Variants in IQCH observed in about 807,000 individuals in gnomAD.
The protein encoded by IQCH is IQ motif containing H.
A neutral mutation model predicts 117.0 loss-of-function variants in IQCH; 98 were observed. The observed-to-expected ratio is 0.84, with a 90% CI of 0.71 to 0.99. IQCH has a LOEUF of 0.99. Among genes scored for constraint, IQCH ranks in the 50% least tolerant of loss-of-function variants. The pLI, the probability that IQCH is intolerant of heterozygous loss-of-function variation, is 0.00. For missense variants in IQCH, 1,102 were observed against 1,243.8 expected, an observed-to-expected ratio of 0.89 and a Z score of 1.72; for synonymous variants, 412 against 448.2, an observed-to-expected ratio of 0.92 and a Z score of 1.02.
rs3743347 is a variant in IQCH at position 67,254,963 on chromosome 15, C to A, written c.51+16C>A. 384,627 of 1,607,192 alleles carry A rather than the reference C, an allele frequency of 0.24. 49,564 individuals carry two copies. Among genetic ancestry groups the A allele is most frequent in the East Asian group, 0.48 (21,282 of 44,224 alleles). On this transcript the variant is annotated intron_variant, in intron 1 of 20. Transcript: ENST00000335894. ...CTTAATCCAGGTGGGAAACGGGCTT[C>A]CCCCGGCCCTGCCCTGCCCAGCCGC...
intron 3 of IQCH, among the ~76,000 whole-genome samples, chr15:67,277,254 A>C (rs1966160819): frequency 6.6e-6 from 1 of 152,088 alleles, no homozygotes; most frequent in Non-Finnish European, 1.5e-5. Context: ...TATTAATCAG[A>C]GTTACTTTAA....
chr15:67,282,046 T>C (rs1966381668), intron 4 of IQCH: 1 of 190,624 alleles, frequency 5.2e-6, no homozygotes, highest in Non-Finnish European at 1.1e-5. Flanking sequence ...ATCAGATCCC[T>C]GACATCAGAG....
In IQCH at chr15:67,356,095, T is replaced by A. The variant is rs1471150063; in HGVS notation, c.638-1250T>A. Among the ~76,000 whole-genome samples the A allele has an allele frequency of 6.6e-6, 1 of 152,064 alleles. No homozygotes were observed. Among genetic ancestry groups the A allele is most frequent in the Admixed American group, 6.5e-5 (1 of 15,276 alleles). Reference sequence around the variant, plus strand: ...TCTGCAGACAATAGGAATAACAAATTTTACTGGTGAATCTGTGGATTCAAA... The same window carrying A: ...TCTGCAGACAATAGGAATAACAAATATTACTGGTGAATCTGTGGATTCAAA... On this transcript the variant is annotated intron_variant, in intron 6 of 20. Coordinates refer to ENST00000335894, the MANE Select transcript of IQCH (RefSeq NM_001031715.3). This position sits in a 1 kb window ranked among gnomAD's most constrained non-coding sequence, Gnocchi z 5.3.
intron 16 of IQCH, among the ~76,000 whole-genome samples, chr15:67,428,225 A>T (rs2081936918): frequency 6.6e-6 from 1 of 152,238 alleles, no homozygotes; most frequent in Non-Finnish European, 1.5e-5. Flanking sequence ...ATTTAACAGG[A>T]AACTTTATAG....
rs758143256 is a variant in IQCH at position 67,388,181 on chromosome 15, C to G, written c.1457-650C>G. On this transcript the variant is annotated intron_variant, in intron 11 of 20. Coordinates refer to ENST00000335894, the MANE Select transcript of IQCH (RefSeq NM_001031715.3). The surrounding 1 kb of genome is among the most constrained non-coding windows in gnomAD (Gnocchi z 5.5). ...TGGGATATTTAATTAGGGTTTCTTGCTATGTTACATGTAAGAAGCACATCT... is the reference window on the plus strand; with the variant it reads ...TGGGATATTTAATTAGGGTTTCTTGGTATGTTACATGTAAGAAGCACATCT... 2.0e-5 allele frequency among the ~76,000 whole-genome samples: 3 copies of G among 152,158 alleles called. No individual in the cohort carries two copies. The highest frequency in any genetic ancestry group is 2.9e-5 in the Non-Finnish European group (2 of 68,026).
chr15:67,333,712 G>A lies in IQCH; in HGVS notation c.388-3263G>A, dbSNP rs12102235. Among the ~76,000 whole-genome samples, 863 of 152,244 alleles carry A rather than the reference G, an allele frequency of 5.7e-3. 7 individuals carry two copies. Among genetic ancestry groups the A allele is most frequent in the African/African-American group, 0.02 (816 of 41,538 alleles). ...TAACAATAGTTAATTCTGGCTGATG[G>A]GAATATGATTGCTGTTTTCTTCTTT... On this transcript the variant is annotated intron_variant, in intron 4 of 20. Transcript: ENST00000335894.
In IQCH at chr15:67,373,389, G is replaced by A. The variant is rs753587552; in HGVS notation, c.1328G>A (p.Arg443His). 9.9e-6 allele frequency: 16 copies of A among 1,612,292 alleles called. No individual in the cohort carries two copies. The highest frequency in any genetic ancestry group is 1.3e-5 in the African/African-American group (1 of 74,866). The change falls in exon 10 of 21, where the codon CGC becomes CAC. Residue 443 changes from arginine (R) to histidine (H), a missense_variant. By Grantham distance (29) the Arg-to-His change is conservative. Coordinates refer to ENST00000335894, the MANE Select transcript of IQCH (RefSeq NM_001031715.3). ...TAGCATCTGGCAGCCAACTGGAATC[G>A]CATCAGGACCTCCAGGAGGACTATT... ...RAKHLAANWNRIRTSRRTIIH... is the reference protein window; with the variant it reads ...RAKHLAANWNHIRTSRRTIIH...
At position 67,421,440 on chromosome 15, in the gene IQCH, C is replaced by T; in HGVS notation, c.2368C>T (p.Pro790Ser). 6.2e-7 allele frequency: 1 copy of T among 1,614,162 alleles called. No homozygotes were observed. The highest frequency in any genetic ancestry group is 8.5e-7 in the Non-Finnish European group (1 of 1,180,020). The change falls in exon 16 of 21, where the codon CCT becomes TCT. Residue 790 changes from proline (P) to serine (S), a missense_variant. Transcript: ENST00000335894. ...CTTCATCTCCTCTGGTACCACCGTGCCTCAGACCTCAGTGGATCCCCAAGT... is the reference window on the plus strand; with the variant it reads ...CTTCATCTCCTCTGGTACCACCGTGTCTCAGACCTCAGTGGATCCCCAAGT... The part of the protein sequence containing the change: ...SPFISSGTTV[P>S]QTSVDPQVLT...
intron 6 of IQCH, among the ~76,000 whole-genome samples, chr15:67,347,093 G>A (rs368199567): frequency 1.3e-5 from 2 of 151,384 alleles, no homozygotes; most frequent in African/African-American, 4.9e-5. Context: ...TCAGATTAAT[G>A]ATCTAAGCTC....
chr15:67,311,102 C>G (rs546454202), intron 4 of IQCH, among the ~76,000 whole-genome samples: 1 of 152,140 alleles, frequency 6.6e-6, no homozygotes, highest in East Asian at 1.9e-4. Context: ...TAAGATTAAG[C>G]TACTTGCCTG....
In IQCH at chr15:67,263,169, G is replaced by A. The variant is rs1387341583; in HGVS notation, c.222G>A (p.Thr74=). 1.0e-5 allele frequency: 16 copies of A among 1,583,508 alleles called. No homozygotes were observed. The highest frequency in any genetic ancestry group is 1.7e-4 in the Middle Eastern group (1 of 5,996). ...YLNVVNQNVL[T]TSVNDESLYT... ...ATGTTGTAAACCAGAATGTATTAAC[G>A]ACTTCTGTTAATGATGAGAGCTTAT... The change falls in exon 3 of 21, where the codon ACG becomes ACA. Residue 74 remains threonine (T), a synonymous_variant. Coordinates refer to ENST00000335894, the MANE Select transcript of IQCH (RefSeq NM_001031715.3).
In IQCH at chr15:67,473,698, A is replaced by G. The variant is rs868458202; in HGVS notation, c.2677-1998A>G. Among the ~76,000 whole-genome samples the G allele has an allele frequency of 1.3e-5, 2 of 152,178 alleles. No individual in the cohort carries two copies. Among genetic ancestry groups the G allele is most frequent in the Admixed American group, 6.5e-5 (1 of 15,284 alleles). ...CAAACTGGAGATTCAGAAACCAAAC[A>G]GCGCCTGCCCTCAGAAAACTCCCAG... is the stretch of plus-strand genomic sequence containing the variant. On this transcript the variant is annotated intron_variant, in intron 17 of 20. Coordinates refer to ENST00000335894, the MANE Select transcript of IQCH (RefSeq NM_001031715.3). The surrounding 1 kb of genome is among the most constrained non-coding windows in gnomAD (Gnocchi z 4.9).
At position 67,385,006 on chromosome 15, in the gene IQCH, G is replaced by A; in HGVS notation, c.1443G>A (p.Leu481=). 1 of 1,603,554 alleles carries A rather than the reference G, an allele frequency of 6.2e-7. No homozygotes were observed. The highest frequency in any genetic ancestry group is 1.1e-5 in the South Asian group (1 of 90,812). Residue 481 remains leucine, a synonymous_variant, in exon 11 of 21, where the codon CTG becomes CTA. Coordinates refer to ENST00000335894, the MANE Select transcript of IQCH (RefSeq NM_001031715.3). This position sits in a 1 kb window ranked among gnomAD's most constrained non-coding sequence, Gnocchi z 4.6. The stretch of plus-strand genomic sequence containing the variant: ...AGCAGAACATGCAGCTGGGGAGGCT[G>A]TGTGACATCTTAGGTACAGTAAATA... The part of the protein sequence containing the change: ...NTQQNMQLGR[L]CDILDANVNV...
At chr15:67,410,529 C>T (rs2081422977) in intron 14 of IQCH, among the ~76,000 whole-genome samples, 3 of 152,206 alleles carry the variant, frequency 2.0e-5, no homozygotes, top group South Asian at 4.1e-4. Flanking sequence ...GCTGCTTTCT[C>T]AGAAGCCCCA....
At chr15:67,330,508 C>A (rs985804492) in intron 4 of IQCH, among the ~76,000 whole-genome samples, 1 of 152,124 alleles carries the variant, frequency 6.6e-6, no homozygotes. Context: ...TGCTGGTAAA[C>A]CTGACCAAGA....
In IQCH at chr15:67,465,149, T is replaced by A. The variant is rs775959647; in HGVS notation, c.2528T>A (p.Leu843His). Residue 843 changes from leucine to histidine, a missense_variant, in exon 17 of 21, where the codon CTC (leucine) becomes CAC (histidine). Leu to His is a moderately conservative substitution (Grantham distance 99). Around this residue, in one of 2 missense-constraint regions of IQCH, gnomAD observed 650 missense variants for 794.3 expected, o/e 0.82. Coordinates refer to ENST00000335894, the MANE Select transcript of IQCH (RefSeq NM_001031715.3). This position sits in a 1 kb window ranked among gnomAD's most constrained non-coding sequence, Gnocchi z 5.9. The part of the protein sequence containing the change: ...EQQVWATGLN[L>H]AYSDQLALTQ... ...CAGGTGTGGGCAACCGGCCTTAACC[T>A]CGCATATAGTGACCAGCTGGCCCTG... The A allele has an allele frequency of 3.1e-6, 5 of 1,614,034 alleles. No homozygotes were observed. In the South Asian group the frequency reaches 5.5e-5, roughly 18 times the overall value.
chr15:67,258,366 A>C (rs1194149696), intron 1 of IQCH, among the ~76,000 whole-genome samples: 1 of 151,972 alleles, frequency 6.6e-6, no homozygotes, highest in Non-Finnish European at 1.5e-5. Context: ...CCCCGTCTCT[A>C]CTAAAAATAC....
At chr15:67,421,850 G>A (rs566963199) in intron 16 of IQCH, among the ~76,000 whole-genome samples, 1 of 152,304 alleles carries the variant, frequency 6.6e-6, no homozygotes, top group South Asian at 2.1e-4. Context: ...TGTAATCCCA[G>A]CACTTTGGGA....
chr15:67,313,105 A>G (rs897810571), intron 4 of IQCH, among the ~76,000 whole-genome samples: 7 of 152,190 alleles, frequency 4.6e-5, no homozygotes, highest in Admixed American at 1.3e-4. Flanking sequence ...TTTGGGCAAT[A>G]TGACCTGAAA....
Sources: gnomAD v4.1 joint callset for allele counts (sites outside exome capture counted in the v4.1 genomes callset) on GRCh38, gnomAD v4.1.1 for gene constraint, gnomAD v4.1.1 regional missense constraint, Gnocchi (gnomAD v3.1) non-coding constraint, MANE v1.5 for transcripts, NCBI Gene and HGNC (gene_info 2026-07-23, HGNC 2026-07-21) for gene names.